Variants in FRMD4B observed in about 807,000 individuals in gnomAD.
FRMD4B encodes the protein FERM domain-containing protein 4B.
In FRMD4B, 74 loss-of-function variants were observed where a neutral mutation model predicts 141.5. The observed-to-expected ratio is 0.52, with a 90% CI of 0.43 to 0.63. The LOEUF (loss-of-function observed/expected upper bound fraction) is 0.63. FRMD4B is among the 30% of genes least tolerant of loss of function. The pLI is 0.00. For synonymous variants in FRMD4B, 506 were observed against 467.9 expected (o/e 1.08, Z -1.05); for missense variants, 1,366 against 1,253.4 (o/e 1.09, Z -1.36).
intron 1 of FRMD4B, among the ~76,000 whole-genome samples, chr3:69,322,124 G>T (rs576511433): frequency 6.6e-6 from 1 of 152,162 alleles, no homozygotes; most frequent in Non-Finnish European, 1.5e-5. Flanking sequence ...CAGAGAACAA[G>T]GTGTGTTATT....
At chr3:69,364,875 A>ATTT (rs1559831254) in intron 1 of FRMD4B, among the ~76,000 whole-genome samples, 3 of 94,624 alleles carry the variant, frequency 3.2e-5, no homozygotes, top group African/African-American at 1.3e-4. Context: ...TGTTTTTTTA[A>ATTT]AAAAATAAAT....
At chr3:69,297,803 T>C (rs1701080766) in intron 4 of FRMD4B, among the ~76,000 whole-genome samples, 1 of 152,062 alleles carries the variant, frequency 6.6e-6, no homozygotes, top group South Asian at 2.1e-4. Context: ...GAGTTTGGAC[T>C]CCCATGGAAA....
intron 1 of FRMD4B, among the ~76,000 whole-genome samples, chr3:69,455,883 G>A (rs1006493302): frequency 1.3e-5 from 2 of 152,122 alleles, no homozygotes; most frequent in South Asian, 2.1e-4. Flanking sequence ...TTCTACTCTA[G>A]GTTCAGGATC....
At chr3:69,252,114 C>A (rs1323698716) in intron 5 of FRMD4B, among the ~76,000 whole-genome samples, 1 of 152,196 alleles carries the variant, frequency 6.6e-6, no homozygotes, top group Admixed American at 6.5e-5. Context: ...GAACCTCAGA[C>A]AAGTCACCTG....
chr3:69,434,438 G>C (rs545181707), intron 1 of FRMD4B, among the ~76,000 whole-genome samples: 1 of 152,150 alleles, frequency 6.6e-6, no homozygotes, highest in African/African-American at 2.4e-5. Context: ...ACACACAACT[G>C]GTTAGTTCTC....
chr3:69,401,385 A>G (rs1262424885), intron 2 of FRMD4B, among the ~76,000 whole-genome samples: 1 of 152,196 alleles, frequency 6.6e-6, no homozygotes, highest in East Asian at 1.9e-4. Context: ...TACCTATTTT[A>G]TCTTAAAGAT....
In FRMD4B at chr3:69,180,912, G is replaced by A; in HGVS notation, c.2838C>T (p.Ser946=). 6.2e-7 allele frequency: 1 copy of A among 1,604,554 alleles called. No individual in the cohort carries two copies. The highest frequency in any genetic ancestry group is 8.5e-7 in the Non-Finnish European group (1 of 1,172,638). ...QVPCSPSSRA[S]SYSSVSSTNA... ...CAGTATTCTCACCTGAAGAGTACGA[G>A]GATGCACGACTGCTTGGAGAACAAG... Residue 946 remains serine (S), a synonymous_variant, in exon 21 of 23, where the codon TCC becomes TCT. Transcript: ENST00000398540.
intron 5 of FRMD4B, among the ~76,000 whole-genome samples, chr3:69,254,722 C>T (rs535684510): frequency 6.6e-6 from 1 of 152,058 alleles, no homozygotes; most frequent in African/African-American, 2.4e-5. Flanking sequence ...TAGTTGATGT[C>T]GGCAGTGTAA....
chr3:69,200,527 A>G, intron 11 of FRMD4B: 17 of 1,068,222 alleles, frequency 1.6e-5, no homozygotes, highest in Non-Finnish European at 1.9e-5. Flanking sequence ...GTTTCATAAG[A>G]CACTTAGGTG....
intron 7 of FRMD4B, among the ~76,000 whole-genome samples, chr3:69,228,043 C>A (rs570524741): frequency 1.4e-4 from 22 of 152,348 alleles, no homozygotes; most frequent in African/African-American, 4.8e-4. Context: ...TGGTTCTCAA[C>A]GTGGGCAATT....
At chr3:69,230,012 T>G (rs1483543822) in intron 7 of FRMD4B, among the ~76,000 whole-genome samples, 1 of 151,782 alleles carries the variant, frequency 6.6e-6, no homozygotes, top group Non-Finnish European at 1.5e-5. Flanking sequence ...AGTCTCGCTC[T>G]GTCACCCAGG....
intron 5 of FRMD4B, among the ~76,000 whole-genome samples, chr3:69,286,171 G>A (rs934966542): frequency 2.6e-5 from 4 of 152,160 alleles, no homozygotes; most frequent in Non-Finnish European, 4.4e-5. Context: ...CAGGCAGAAA[G>A]AATCATAACA....
chr3:69,239,064 A>G (rs548140642), intron 7 of FRMD4B, among the ~76,000 whole-genome samples: 1 of 152,324 alleles, frequency 6.6e-6, no homozygotes, highest in South Asian at 2.1e-4. Flanking sequence ...GGCTTATAAT[A>G]AACTGCCTGG....
rs150392217 is a variant in FRMD4B, at chr3:69,269,681, G to C, written c.501+18071C>G. Among the ~76,000 whole-genome samples the C allele has an allele frequency of 9.8e-3, 1,494 of 152,344 alleles. 12 individuals are homozygous for C. Among genetic ancestry groups the C allele is most frequent in the Non-Finnish European group, 0.016 (1,090 of 68,040 alleles). Reference sequence around the variant, plus strand: ...TTGTTTTGAGACAGGGTCTTGCTCTGTCGCTTAGGCTGGAGTGCAGTGGCA... The same window carrying C: ...TTGTTTTGAGACAGGGTCTTGCTCTCTCGCTTAGGCTGGAGTGCAGTGGCA... On this transcript the variant is annotated intron_variant, in intron 5 of 22. Coordinates refer to ENST00000398540, the MANE Select transcript of FRMD4B (RefSeq NM_015123.3).
chr3:69,532,583 C>T (rs544893609), intron 1 of FRMD4B, among the ~76,000 whole-genome samples: 18 of 152,298 alleles, frequency 1.2e-4, no homozygotes, highest in Middle Eastern at 3.4e-3. Flanking sequence ...ACTTGGCCTT[C>T]CTGGTTGTTG....
In FRMD4B at chr3:69,196,888, C is replaced by T; in HGVS notation, c.1092+12G>A. 1 of 1,597,970 alleles carries T rather than the reference C, an allele frequency of 6.3e-7. No individual in the cohort carries two copies. Among genetic ancestry groups the T allele is most frequent in the South Asian group, 1.1e-5 (1 of 90,342 alleles). ...GGAATCTGTCCCTATAGAAATGATG[C>T]CAGTTACTTACTTTGCTTTGCTTCC... On this transcript the variant is annotated intron_variant, in intron 13 of 22. Transcript: ENST00000398540.
intron 11 of FRMD4B, among the ~76,000 whole-genome samples, chr3:69,210,448 C>T (rs2093064358): frequency 6.6e-6 from 1 of 151,528 alleles, no homozygotes; most frequent in Admixed American, 6.6e-5. Flanking sequence ...GAAACTTCAT[C>T]AGTCTCTAAG....
chr3:69,415,565 G>A (rs1575794367), intron 2 of FRMD4B, among the ~76,000 whole-genome samples: 1 of 152,034 alleles, frequency 6.6e-6, no homozygotes. Flanking sequence ...CCTTTTCCTG[G>A]TTAGGTGCTA....
chr3:69,502,512 A>G (rs1706515299), intron 1 of FRMD4B, among the ~76,000 whole-genome samples: 1 of 152,324 alleles, frequency 6.6e-6, no homozygotes, highest in African/African-American at 2.4e-5. Context: ...CCTTTCTTAC[A>G]CCTTATACAA....
Sources: gnomAD v4.1 joint callset for allele counts (sites outside exome capture counted in the v4.1 genomes callset) on GRCh38, gnomAD v4.1.1 for gene constraint, MANE v1.5 for transcripts, NCBI Gene and HGNC (gene_info 2026-07-23, HGNC 2026-07-21) for gene names.